Variants in AREL1 observed in about 807,000 individuals in gnomAD.
AREL1 encodes the protein apoptosis resistant E3 ubiquitin protein ligase 1.
In AREL1, 62 loss-of-function variants were observed where a neutral mutation model predicts 99.0. The ratio of observed to expected loss-of-function variants is 0.63; its 90% CI spans 0.51 to 0.77. The LOEUF is 0.77. AREL1 is among the 30% of genes least tolerant of loss of function. AREL1 has a pLI of 0.00. For synonymous variants in AREL1, 380 were observed against 376.5 expected (o/e 1.01, Z -0.11); for missense variants, 879 against 1,027.6 (o/e 0.86, Z 1.98).
Position 74,670,776 on chromosome 14 carries a change from T to C in AREL1, c.1594A>G (p.Asn532Asp). Reference protein sequence around the residue: ...TNQLFTRFSDNNQALVHPNPN... With the variant: ...TNQLFTRFSDDNQALVHPNPN... ...CACCAACTCACTAATGCTTGGTTGTTGTCACTGAACCGGGTGAAGAGCTGA... is the reference window on the plus strand; with the variant it reads ...CACCAACTCACTAATGCTTGGTTGTCGTCACTGAACCGGGTGAAGAGCTGA... The change falls in exon 13 of 20, where the codon AAC becomes GAC. Residue 532 changes from asparagine to aspartate, a missense_variant. Transcript: ENST00000356357. The C allele has an allele frequency of 6.2e-7, 1 of 1,614,118 alleles. No individual in the cohort carries two copies. Among genetic ancestry groups the C allele is most frequent in the Non-Finnish European group, 8.5e-7 (1 of 1,179,944 alleles).
chr14:74,679,681 A>G (rs1167261392), intron 5 of AREL1, among the ~76,000 whole-genome samples: 1 of 151,892 alleles, frequency 6.6e-6, no homozygotes, highest in East Asian at 1.9e-4. Flanking sequence ...ACAAAAAACT[A>G]GCCAGGCATG....
Position 74,661,316 on chromosome 14 carries a change from T to C in AREL1, c.*2404A>G, listed in dbSNP as rs1476972886. ...ATTTACATCATCAGCTGCAACTGCC[T>C]GGCCCTTTCACCTGGCCTGACGAAT... On this transcript the variant is annotated 3_prime_UTR_variant, in exon 20 of 20. Transcript: ENST00000356357. The C allele has an allele frequency of 6.6e-6, 3 of 456,454 alleles. No homozygotes were observed. The Admixed American group carries it at 7.0e-5, about 11-fold the overall frequency. The allele number at this position is 456,454 out of a possible 1,614,324, so 28.3% of individuals were successfully genotyped here. A position where few individuals can be genotyped will look rare whatever the true frequency, so the allele number is the denominator to read the frequency against.
chr14:74,684,068 A>G (rs983477656), intron 4 of AREL1, among the ~76,000 whole-genome samples: 22 of 152,122 alleles, frequency 1.4e-4, no homozygotes, highest in African/African-American at 5.3e-4. Context: ...GTACACAACT[A>G]CTCAACTGTC....
intron 4 of AREL1, 32 bp downstream of exon 4, chr14:74,684,422 C>T: frequency 1.2e-6 from 2 of 1,601,888 alleles, no homozygotes; most frequent in Non-Finnish European, 8.6e-7. Context: ...TCAGAAACCC[C>T]AATGGGTATG....
At chr14:74,682,105 A>G (rs1401301977) in intron 5 of AREL1, among the ~76,000 whole-genome samples, 1 of 152,214 alleles carries the variant, frequency 6.6e-6, no homozygotes, top group Non-Finnish European at 1.5e-5. Flanking sequence ...GGGTGATGAT[A>G]ATTCATATGA....
At chr14:74,670,585 T>A (rs556349721) in intron 13 of AREL1, 177 bp downstream of exon 13, 2 of 572,908 alleles carry the variant, frequency 3.5e-6, no homozygotes, top group African/African-American at 3.7e-5. Context: ...ATTTTACAGA[T>A]GAAATAATAA....
chr14:74,680,779 C>T (rs149511723), intron 5 of AREL1, among the ~76,000 whole-genome samples: 356 of 152,268 alleles, frequency 2.3e-3, no homozygotes, highest in Middle Eastern at 0.01. Flanking sequence ...ACATGATACT[C>T]AAAGGAAATG....
chr14:74,709,371 C>T (rs769105384), intron 1 of AREL1, among the ~76,000 whole-genome samples: 4 of 152,176 alleles, frequency 2.6e-5, no homozygotes, highest in South Asian at 2.1e-4. Flanking sequence ...ATAAATATTA[C>T]ACAACAGTAC....
chr14:74,663,413 G>C lies in AREL1; in HGVS notation c.*307C>G, dbSNP rs1241350959. The C allele has an allele frequency of 2.6e-6, 1 of 387,186 alleles. No individual in the cohort carries two copies. Among genetic ancestry groups the C allele is most frequent in the Non-Finnish European group, 4.9e-6 (1 of 202,232 alleles). 24.0% of individuals were successfully genotyped at this position (387,186 alleles called of 1,614,324 possible). On this transcript the variant is annotated 3_prime_UTR_variant, in exon 20 of 20. Transcript: ENST00000356357. ...GTTTCCCAACAGGGCTGAGCCCCGT[G>C]TGCCATCTCCCTCAGCTACTGAGAT...
At chr14:74,700,809 T>A (rs1027787609) in intron 1 of AREL1, among the ~76,000 whole-genome samples, 1 of 151,944 alleles carries the variant, frequency 6.6e-6, no homozygotes, top group African/African-American at 2.4e-5. Context: ...CAAAAAGGAA[T>A]GTTAAAGGAA....
At position 74,684,539 on chromosome 14, in the gene AREL1, T is replaced by A; in HGVS notation, c.158A>T (p.Asn53Ile). Reference protein sequence around the residue: ...DRTIYDYVRGNYLDPRSCKVS... With the variant: ...DRTIYDYVRGIYLDPRSCKVS... Reference sequence around the variant, plus strand: ...TTTGCAAGACCGGGGATCCAGGTAATTTCCCCGCACGTAGTCATAAATAGT... The same window carrying A: ...TTTGCAAGACCGGGGATCCAGGTAAATTCCCCGCACGTAGTCATAAATAGT... The change falls in exon 4 of 20, where the codon AAT (asparagine) becomes ATT (isoleucine). Residue 53 changes from asparagine (N) to isoleucine (I), a missense_variant. Coordinates refer to ENST00000356357, the MANE Select transcript of AREL1 (RefSeq NM_001039479.2). 1 of 1,614,146 alleles carries A rather than the reference T, an allele frequency of 6.2e-7. No individual in the cohort carries two copies. The highest frequency in any genetic ancestry group is 8.5e-7 in the Non-Finnish European group (1 of 1,180,012).
At chr14:74,678,913 C>A (rs1336168460) in intron 5 of AREL1, among the ~76,000 whole-genome samples, 1 of 152,048 alleles carries the variant, frequency 6.6e-6, no homozygotes, top group Non-Finnish European at 1.5e-5. Context: ...TTTTTTGAGA[C>A]AGGGTCTCAC....
At chr14:74,687,395 T>C (rs539588930) in intron 2 of AREL1, among the ~76,000 whole-genome samples, 1 of 152,312 alleles carries the variant, frequency 6.6e-6, no homozygotes. Flanking sequence ...GTGTGACCTA[T>C]CTAGGCTTCA....
intron 1 of AREL1, among the ~76,000 whole-genome samples, chr14:74,706,628 C>T (rs1007984796): frequency 6.6e-6 from 1 of 151,994 alleles, no homozygotes; most frequent in Non-Finnish European, 1.5e-5. Context: ...AAAGAAAGGT[C>T]TATTAATTTC....
intron 9 of AREL1, 45 bp from the exon 10 acceptor site, chr14:74,673,263 C>T (rs758249460): frequency 1.2e-6 from 2 of 1,602,306 alleles, no homozygotes; most frequent in South Asian, 2.2e-5. Context: ...ACCCTCAAGG[C>T]CAGTAAAAGT....
chr14:74,669,529 G>T, intron 15 of AREL1, 120 bp downstream of exon 15: 1 of 1,265,564 alleles, frequency 7.9e-7, no homozygotes, highest in Non-Finnish European at 1.1e-6. Flanking sequence ...CACATTTTGG[G>T]TGTTTAATAG....
intron 18 of AREL1, among the ~76,000 whole-genome samples, chr14:74,664,306 T>A (rs2089157619): frequency 6.6e-6 from 1 of 152,200 alleles, no homozygotes; most frequent in Non-Finnish European, 1.5e-5. Context: ...TTACTACTCC[T>A]GTGGCAGTCA....
intron 1 of AREL1, among the ~76,000 whole-genome samples, chr14:74,696,375 T>C (rs1252866778): frequency 6.6e-6 from 1 of 152,186 alleles, no homozygotes; most frequent in Non-Finnish European, 1.5e-5. Context: ...ATACCCCAAT[T>C]AGGAATTTTA....
chr14:74,662,455 A>C lies in AREL1; in HGVS notation c.*1265T>G, dbSNP rs147148297. The C allele has an allele frequency of 3.4e-4, 135 of 398,090 alleles. No homozygotes were observed. The East Asian group carries it at 4.6e-3, about 14-fold the overall frequency. The allele number at this position is 398,090 out of a possible 1,614,324, so 24.7% of individuals were successfully genotyped here. ...AAGTCAATGAGATTTTGAATCTTGAAATTATTTTCAATCAAACAGTAATGA... is the reference window on the plus strand; with the variant it reads ...AAGTCAATGAGATTTTGAATCTTGACATTATTTTCAATCAAACAGTAATGA... On this transcript the variant is annotated 3_prime_UTR_variant, in exon 20 of 20. Transcript: ENST00000356357.
Sources: allele counts gnomAD v4.1 joint callset (sites outside exome capture counted in the v4.1 genomes callset), GRCh38; gene constraint gnomAD v4.1.1; transcripts MANE v1.5; gene names NCBI Gene and HGNC (gene_info 2026-07-23, HGNC 2026-07-21).